ZNF429: variants seen among roughly 807,000 people sequenced by gnomAD.
ZNF429 encodes zinc finger protein 429.
Under a neutral mutation model 56.8 loss-of-function variants are expected in ZNF429, and 53 were observed. That is an observed-to-expected ratio of 0.93 (90% CI 0.75 to 1.17). The LOEUF (loss-of-function observed/expected upper bound fraction) is 1.17, where lower values mean the gene tolerates loss of function less well. ZNF429 is among the 50% of genes most tolerant of loss of function. ZNF429 has a pLI of 0.00. For synonymous variants in ZNF429, 278 were observed against 264.7 expected (o/e 1.05, Z -0.49); for missense variants, 849 against 788.4 (o/e 1.08, Z -0.92).
chr19:21,533,034 A>G lies in ZNF429; in HGVS notation c.226+2350A>G. On this transcript the variant is annotated intron_variant, in intron 3 of 3. Transcript: ENST00000358491. Reference sequence around the variant, plus strand: ...TTTCATTTCTAAGTATTTGAGAAACATAACATTTTAAAGTAATGGCTGCAT... The same window carrying G: ...TTTCATTTCTAAGTATTTGAGAAACGTAACATTTTAAAGTAATGGCTGCAT... Among the ~76,000 whole-genome samples, 153 of 152,022 alleles carry G rather than the reference A, an allele frequency of 1.0e-3. 3 individuals are homozygous for G. In the East Asian group the frequency reaches 0.028, roughly 28 times the overall value.
At chr19:21,505,947 G>T (rs954177623) in intron 1 of ZNF429, 173 bp downstream of exon 1, 1 of 611,358 alleles carries the variant, frequency 1.6e-6, no homozygotes, top group African/African-American at 1.9e-5. Flanking sequence ...CGACTGTGCT[G>T]ACAGCCGGGC....
intron 1 of ZNF429, chr19:21,521,555 T>C (rs1235067220): frequency 6.6e-6 from 1 of 152,238 alleles, no homozygotes; most frequent in African/African-American, 2.4e-5. Flanking sequence ...GGGAATATTT[T>C]CTGGCCTACT....
Position 21,536,366 on chromosome 19 carries a change from A to T in ZNF429, c.313A>T (p.Lys105Ter), listed in dbSNP as rs2033670907. 1 of 1,613,870 alleles carries T rather than the reference A, an allele frequency of 6.2e-7. No homozygotes were observed. Among genetic ancestry groups the T allele is most frequent in the Admixed American group, 1.7e-5 (1 of 59,992 alleles). Residue 105 changes from lysine (K) to a stop codon, truncating the protein, a stop_gained, in exon 4 of 4, where the codon AAA becomes TAA. Coordinates refer to ENST00000358491, the MANE Select transcript of ZNF429 (RefSeq NM_001001415.4). LOFTEE classifies it high-confidence loss of function. The stretch of plus-strand genomic sequence containing the variant: ...AAAAGTGACACTGAGGAGATATGAT[A>T]AACGTGGACATGAGAACTTACAATT... The part of the protein sequence containing the change: ...FQKVTLRRYD[K>*]RGHENLQLRK...
chr19:21,537,073 C>T lies in ZNF429; in HGVS notation c.1020C>T (p.Pro340=). The part of the protein sequence containing the change: ...SHKRIHTGEK[P]YKCEECGKAF... ...AGAGAATACATACTGGTGAGAAACC[C>T]TACAAATGTGAAGAATGTGGCAAAG... is the stretch of plus-strand genomic sequence containing the variant. Residue 340 remains proline, a synonymous_variant, in exon 4 of 4, where the codon CCC becomes CCT. Coordinates refer to ENST00000358491, the MANE Select transcript of ZNF429 (RefSeq NM_001001415.4). The T allele has an allele frequency of 1.2e-6, 2 of 1,613,862 alleles. No individual in the cohort carries two copies. Among genetic ancestry groups the T allele is most frequent in the Non-Finnish European group, 8.5e-7 (1 of 1,179,884 alleles).
In ZNF429 at chr19:21,537,421, C is replaced by T. The variant is rs202239129; in HGVS notation, c.1368C>T (p.Asn456=). 8.3e-5 allele frequency: 132 copies of T among 1,583,852 alleles called. No individual in the cohort carries two copies. Among genetic ancestry groups the T allele is most frequent in the Middle Eastern group, 3.4e-4 (2 of 5,874 alleles). ...IHTEEKPYKC[N]ECGKAFNRSS... ...CTGAAGAGAAACCCTATAAATGTAA[C>T]GAATGTGGCAAAGCTTTTAACCGGT... The change falls in exon 4 of 4, where the codon AAC becomes AAT. Residue 456 remains asparagine (N), a synonymous_variant. Transcript: ENST00000358491.
At chr19:21,523,871 G>A (rs2033072942) in intron 1 of ZNF429, among the ~76,000 whole-genome samples, 1 of 151,512 alleles carries the variant, frequency 6.6e-6, no homozygotes, top group South Asian at 2.1e-4. Flanking sequence ...TGATTGTTGT[G>A]TGCTTGCTCT....
At chr19:21,512,382 T>G (rs2032527773) in intron 1 of ZNF429, among the ~76,000 whole-genome samples, 1 of 151,928 alleles carries the variant, frequency 6.6e-6, no homozygotes, top group Non-Finnish European at 1.5e-5. Context: ...TTAGAATGCC[T>G]TAACTGTGGG....
chr19:21,509,196 A>G (rs771201570), intron 1 of ZNF429, among the ~76,000 whole-genome samples: 14 of 152,082 alleles, frequency 9.2e-5, no homozygotes, highest in Non-Finnish European at 1.6e-4. Context: ...TAGTAGAGAC[A>G]GGGTTTCGCC....
intron 1 of ZNF429, among the ~76,000 whole-genome samples, chr19:21,527,397 A>G (rs2033210514): frequency 6.6e-6 from 1 of 152,204 alleles, no homozygotes; most frequent in Non-Finnish European, 1.5e-5. Context: ...CAGGTTCTGC[A>G]TAGAAGCATC....
intron 3 of ZNF429, among the ~76,000 whole-genome samples, chr19:21,533,365 GATTTGCATAC>G: frequency 6.6e-6 from 1 of 151,852 alleles, no homozygotes; most frequent in East Asian, 1.9e-4. Context: ...ATATCCATGT[GATTTGCATAC>G]ATTTTCATCC....
At chr19:21,508,211 C>T (rs2032277175) in intron 1 of ZNF429, among the ~76,000 whole-genome samples, 1 of 151,340 alleles carries the variant, frequency 6.6e-6, no homozygotes, top group Non-Finnish European at 1.5e-5. Flanking sequence ...CCATTGCACT[C>T]CAGCCTGTGC....
intron 3 of ZNF429, among the ~76,000 whole-genome samples, chr19:21,531,136 A>C: frequency 0.54 from 69,420 of 129,550 alleles, 19,318 homozygotes; most frequent in South Asian, 0.63. Context: ...AAAACCAAAA[A>C]AAAAAAAACA....
chr19:21,537,597 G>T lies in ZNF429; in HGVS notation c.1544G>T (p.Gly515Val). ...AAACCCTACAAATGTGAAGAATGTGGCAAAGCTTTTATCCTGTCCTCAAGA... is the reference window on the plus strand; with the variant it reads ...AAACCCTACAAATGTGAAGAATGTGTCAAAGCTTTTATCCTGTCCTCAAGA... ...GEKPYKCEEC[G>V]KAFILSSRLT... Residue 515 changes from glycine to valine, a missense_variant, in exon 4 of 4, where the codon GGC becomes GTC. Physicochemically the swap from Gly to Val is moderately radical, Grantham distance 109. Coordinates refer to ENST00000358491, the MANE Select transcript of ZNF429 (RefSeq NM_001001415.4). The T allele has an allele frequency of 3.1e-6, 5 of 1,613,112 alleles. No homozygotes were observed. The highest frequency in any genetic ancestry group is 3.4e-6 in the Non-Finnish European group (4 of 1,179,818).
intron 2 of ZNF429, among the ~76,000 whole-genome samples, chr19:21,530,066 C>G: frequency 6.6e-6 from 1 of 151,978 alleles, no homozygotes. Context: ...TGGCAGGCAC[C>G]TGTAGTCCCA....
intron 1 of ZNF429, among the ~76,000 whole-genome samples, chr19:21,515,276 C>T (rs2032687519): frequency 6.7e-6 from 1 of 148,950 alleles, no homozygotes; most frequent in Non-Finnish European, 1.5e-5. Context: ...TTATAGTAGC[C>T]ATTCTGACTG....
At chr19:21,535,672 G>A in intron 3 of ZNF429, among the ~76,000 whole-genome samples, 3 of 151,212 alleles carry the variant, frequency 2.0e-5, no homozygotes, top group Non-Finnish European at 2.9e-5. Context: ...CTGCCATCAC[G>A]CCCAGCTAAT....
chr19:21,539,284 AG>A lies in ZNF429; in HGVS notation c.*1207del, dbSNP rs2033837836. ...CTACATGAATATCAGAATTTACAGT[AG>A]AAACAACTAAGACACAAACACTTGA... On this transcript the variant is annotated 3_prime_UTR_variant, in exon 4 of 4. Transcript: ENST00000358491. Among the ~76,000 whole-genome samples the A allele has an allele frequency of 6.6e-6, 1 of 151,410 alleles. No individual in the cohort carries two copies. Among genetic ancestry groups the A allele is most frequent in the South Asian group, 2.1e-4 (1 of 4,832 alleles).
At chr19:21,535,124 G>A in intron 3 of ZNF429, among the ~76,000 whole-genome samples, 1 of 151,010 alleles carries the variant, frequency 6.6e-6, no homozygotes, top group Non-Finnish European at 1.5e-5. Flanking sequence ...ACCGCGCCCG[G>A]CCTTGTTTTT....
chr19:21,529,353 A>T, intron 1 of ZNF429: 1 of 246,818 alleles, frequency 4.1e-6, no homozygotes, highest in South Asian at 1.5e-4. Flanking sequence ...TAAACATAGC[A>T]CTCAAAAATG....
Sources: allele counts gnomAD v4.1 joint callset (sites outside exome capture counted in the v4.1 genomes callset), GRCh38; gene constraint gnomAD v4.1.1; transcripts MANE v1.5; gene names NCBI Gene and HGNC (gene_info 2026-07-23, HGNC 2026-07-21).